Variants in XIRP2 observed in about 807,000 individuals in gnomAD.
XIRP2 encodes the protein xin actin binding repeat containing 2, also known as xin actin-binding repeat-containing protein 2.
A neutral mutation model predicts 277.0 loss-of-function variants in XIRP2; 236 were observed. That is an observed-to-expected ratio of 0.85 (90% CI 0.77 to 0.95). The LOEUF (loss-of-function observed/expected upper bound fraction) is 0.95, where lower values mean the gene tolerates loss of function less well. Ranked by LOEUF, XIRP2 falls within the 40% of genes least tolerant of loss-of-function variation. XIRP2 has a pLI of 0.00. For synonymous variants in XIRP2, 1,490 were observed against 1,416.5 expected (o/e 1.05, Z -1.17); for missense variants, 4,640 against 4,157.5 (o/e 1.12, Z -3.19).
intron 2 of XIRP2, among the ~76,000 whole-genome samples, chr2:166,929,137 T>C (rs1403061431): frequency 1.3e-5 from 2 of 151,770 alleles, no homozygotes; most frequent in Non-Finnish European, 2.9e-5. Context: ...ACCCGCTGAA[T>C]TGGGAACTCT....
At chr2:167,179,173 A>G (rs1216544886) in intron 3 of XIRP2, among the ~76,000 whole-genome samples, 6 of 152,118 alleles carry the variant, frequency 3.9e-5, no homozygotes, top group Non-Finnish European at 7.4e-5. Context: ...TGCAATTACA[A>G]TATTTGTTTG....
intron 2 of XIRP2, among the ~76,000 whole-genome samples, chr2:166,918,439 G>T (rs765695296): frequency 6.6e-6 from 1 of 151,954 alleles, no homozygotes; most frequent in Non-Finnish European, 1.5e-5. Context: ...TTCTCGAAAA[G>T]AAAATGATAG....
intron 2 of XIRP2, among the ~76,000 whole-genome samples, chr2:166,966,325 GT>G (rs1686431884): frequency 6.6e-6 from 1 of 151,628 alleles, no homozygotes; most frequent in African/African-American, 2.4e-5. Context: ...ATTAATTTCT[GT>G]TCATATAACT....
intron 4 of XIRP2, among the ~76,000 whole-genome samples, chr2:167,214,948 T>C (rs1479861619): frequency 6.6e-6 from 1 of 152,130 alleles, no homozygotes; most frequent in Non-Finnish European, 1.5e-5. Context: ...GAAAATGCAT[T>C]TACCAGGAGA....
intron 2 of XIRP2, among the ~76,000 whole-genome samples, chr2:167,036,661 G>C (rs935558936): frequency 6.6e-6 from 1 of 152,068 alleles, no homozygotes; most frequent in African/African-American, 2.4e-5. Flanking sequence ...AGACTTCGGG[G>C]GAGTGTTGGG....
chr2:167,118,918 G>T (rs899421129), intron 2 of XIRP2, among the ~76,000 whole-genome samples: 1 of 152,174 alleles, frequency 6.6e-6, no homozygotes, highest in African/African-American at 2.4e-5. Flanking sequence ...AGAGAGACAG[G>T]AGGAAAAGCA....
intron 2 of XIRP2, among the ~76,000 whole-genome samples, chr2:166,976,966 G>A (rs1686732836): frequency 6.6e-6 from 1 of 152,040 alleles, no homozygotes; most frequent in Non-Finnish European, 1.5e-5. Flanking sequence ...GCATTTTTCA[G>A]GTTTATTCTA....
chr2:167,129,629 G>T (rs1190485324), intron 2 of XIRP2, among the ~76,000 whole-genome samples: 2 of 151,996 alleles, frequency 1.3e-5, no homozygotes, highest in Non-Finnish European at 2.9e-5. Flanking sequence ...CCAGCACTTT[G>T]GGAGGCCGAG....
At chr2:167,179,330 T>TTTTTCTTTTTG (rs1190604793) in intron 3 of XIRP2, among the ~76,000 whole-genome samples, 2 of 151,214 alleles carry the variant, frequency 1.3e-5, no homozygotes, top group African/African-American at 4.9e-5. Context: ...CTTGTTTTTT[T>TTTTTCTTTTTG]TTTTTTTTGA....
At position 167,074,636 on chromosome 2, in the gene XIRP2, G is replaced by A. The variant is rs528930291; in HGVS notation, c.409-61273G>A. Among the ~76,000 whole-genome samples, 220 of 80,278 alleles carry A rather than the reference G, an allele frequency of 2.7e-3. 8 individuals are homozygous for A. In the East Asian group the frequency reaches 0.07, roughly 25 times the overall value. The allele number at this position is 80,278 out of a possible 152,430, so 52.7% of individuals were successfully genotyped here. ...TGTGTGTGTGTGCATGTGTGTGTGC[G>A]TGTGTGTGTGTGTGTGTTTGTATGG... is the stretch of plus-strand genomic sequence containing the variant. On this transcript the variant is annotated intron_variant, in intron 2 of 10. Transcript: ENST00000409195.
At chr2:167,161,584 T>A (rs979597038) in intron 3 of XIRP2, among the ~76,000 whole-genome samples, 1 of 151,918 alleles carries the variant, frequency 6.6e-6, no homozygotes, top group African/African-American at 2.4e-5. Flanking sequence ...ACAGCTGGAG[T>A]AGCTGGGACA....
At chr2:167,076,227 T>C (rs1392448659) in intron 2 of XIRP2, among the ~76,000 whole-genome samples, 1 of 152,142 alleles carries the variant, frequency 6.6e-6, no homozygotes, top group African/African-American at 2.4e-5. Context: ...TAAATAAAAG[T>C]TAAGGTAGCA....
At chr2:167,074,581 G>T (rs540187080) in intron 2 of XIRP2, among the ~76,000 whole-genome samples, 21 of 152,162 alleles carry the variant, frequency 1.4e-4, no homozygotes, top group African/African-American at 5.1e-4. Context: ...ATTGGACCAA[G>T]CATCAGAAGT....
chr2:167,101,391 T>C (rs765169226), intron 2 of XIRP2, among the ~76,000 whole-genome samples: 9 of 152,182 alleles, frequency 5.9e-5, no homozygotes, highest in African/African-American at 9.7e-5. Context: ...GCTTTAGTGG[T>C]GATTTGTGAG....
chr2:167,117,982 A>T (rs1280035521), intron 2 of XIRP2, among the ~76,000 whole-genome samples: 2 of 152,194 alleles, frequency 1.3e-5, no homozygotes, highest in Non-Finnish European at 2.9e-5. Flanking sequence ...GAAAAACCAC[A>T]CTTGACATTC....
At chr2:167,074,832 C>G (rs958139924) in intron 2 of XIRP2, among the ~76,000 whole-genome samples, 6 of 152,100 alleles carry the variant, frequency 3.9e-5, no homozygotes, top group African/African-American at 1.4e-4. Context: ...GCCATGTTGC[C>G]CAAGCTGGTC....
At chr2:167,212,266 G>C (rs1380689824) in intron 4 of XIRP2, among the ~76,000 whole-genome samples, 1 of 152,138 alleles carries the variant, frequency 6.6e-6, no homozygotes, top group Non-Finnish European at 1.5e-5. Flanking sequence ...GGATCATTGA[G>C]GAACTTATTC....
At chr2:167,161,609 C>A (rs1318357302) in intron 3 of XIRP2, among the ~76,000 whole-genome samples, 1 of 152,200 alleles carries the variant, frequency 6.6e-6, no homozygotes, top group Non-Finnish European at 1.5e-5. Flanking sequence ...GCACCAAGCC[C>A]CTAGGCCACA....
chr2:166,926,070 T>C (rs775312907), intron 2 of XIRP2, among the ~76,000 whole-genome samples: 8 of 151,894 alleles, frequency 5.3e-5, no homozygotes, highest in African/African-American at 9.7e-5. Flanking sequence ...TGAGACCCTA[T>C]CTCAAAAAGA....
Sources: allele counts gnomAD v4.1 joint callset (sites outside exome capture counted in the v4.1 genomes callset), GRCh38; gene constraint gnomAD v4.1.1; transcripts MANE v1.5; gene names NCBI Gene and HGNC (gene_info 2026-07-23, HGNC 2026-07-21).